The following ZNF804B variants were observed in gnomAD, a reference collection of about 807,000 sequenced individuals.
ZNF804B encodes zinc finger 804B.
A neutral mutation model predicts 101.4 loss-of-function variants in ZNF804B; 80 were observed. That is an observed-to-expected ratio of 0.79 (90% CI 0.66 to 0.95). ZNF804B has a LOEUF of 0.95. Among genes scored for constraint, ZNF804B ranks in the 40% least tolerant of loss-of-function variants. ZNF804B has a pLI of 0.00. For missense variants in ZNF804B, 1,673 were observed against 1,561.9 expected, an observed-to-expected ratio of 1.07 and a Z score of -1.20; for synonymous variants, 622 against 558.8, an observed-to-expected ratio of 1.11 and a Z score of -1.59.
intron 1 of ZNF804B, among the ~76,000 whole-genome samples, chr7:89,035,440 A>C (rs1788910812): frequency 6.6e-6 from 1 of 152,078 alleles, no homozygotes; most frequent in South Asian, 2.1e-4. Context: ...ATTTTAAAAA[A>C]ATCAGCTACG....
At chr7:89,233,993 T>C (rs1288551123) in intron 2 of ZNF804B, among the ~76,000 whole-genome samples, 1 of 152,208 alleles carries the variant, frequency 6.6e-6, no homozygotes, top group Non-Finnish European at 1.5e-5. Context: ...TTTTCCACAA[T>C]GGAGTGTGAA....
At chr7:88,764,083 C>T (rs961138183) in intron 1 of ZNF804B, among the ~76,000 whole-genome samples, 1 of 152,060 alleles carries the variant, frequency 6.6e-6, no homozygotes, top group African/African-American at 2.4e-5. Flanking sequence ...CAAATAGCTT[C>T]TATGTAATAA....
chr7:88,896,220 G>A (rs1267878407), intron 1 of ZNF804B, among the ~76,000 whole-genome samples: 1 of 152,154 alleles, frequency 6.6e-6, no homozygotes, highest in Admixed American at 6.5e-5. Context: ...ATGAAGCATA[G>A]AGTTTAGTTC....
intron 1 of ZNF804B, among the ~76,000 whole-genome samples, chr7:88,845,281 A>G (rs1394334638): frequency 1.0e-4 from 13 of 128,854 alleles, no homozygotes; most frequent in African/African-American, 2.8e-4. Context: ...ATGTGTGCGC[A>G]CGCGCGCGCG....
chr7:89,015,013 A>T (rs1788524080), intron 1 of ZNF804B, among the ~76,000 whole-genome samples: 1 of 152,086 alleles, frequency 6.6e-6, no homozygotes, highest in Non-Finnish European at 1.5e-5. Context: ...ACCCATTTTG[A>T]GTTGATTTTT....
chr7:89,223,315 T>A (rs947483137), intron 2 of ZNF804B, among the ~76,000 whole-genome samples: 2 of 151,878 alleles, frequency 1.3e-5, no homozygotes, highest in Non-Finnish European at 2.9e-5. Flanking sequence ...TTAGATCTGA[T>A]AACGAAATAA....
chr7:89,050,988 T>A (rs1412883478), intron 1 of ZNF804B, among the ~76,000 whole-genome samples: 5 of 151,974 alleles, frequency 3.3e-5, no homozygotes, highest in Non-Finnish European at 5.9e-5. Flanking sequence ...TGTTTCTTTT[T>A]TTTAACATAA....
At chr7:88,884,582 T>C (rs1277232277) in intron 1 of ZNF804B, among the ~76,000 whole-genome samples, 1 of 151,892 alleles carries the variant, frequency 6.6e-6, no homozygotes, top group East Asian at 1.9e-4. Context: ...AGCTATTATA[T>C]TTTAGACAAG....
chr7:89,259,990 TAA>T (rs898025694), intron 2 of ZNF804B, among the ~76,000 whole-genome samples: 21 of 138,488 alleles, frequency 1.5e-4, no homozygotes, highest in Admixed American at 8.6e-4. Context: ...GTCAAAAAAA[TAA>T]AAAGAGAGAG....
intron 1 of ZNF804B, among the ~76,000 whole-genome samples, chr7:89,014,557 C>G (rs1788512675): frequency 6.6e-6 from 1 of 152,182 alleles, no homozygotes; most frequent in African/African-American, 2.4e-5. Flanking sequence ...ACCTTGTGAT[C>G]CACCCGCCTT....
chr7:89,025,147 A>C (rs953171908), intron 1 of ZNF804B, among the ~76,000 whole-genome samples: 1 of 152,068 alleles, frequency 6.6e-6, no homozygotes, highest in Non-Finnish European at 1.5e-5. Context: ...ATTCTCAAGT[A>C]CTCATAAACT....
intron 1 of ZNF804B, among the ~76,000 whole-genome samples, chr7:89,022,936 A>T (rs1180950774): frequency 2.6e-5 from 4 of 152,220 alleles, no homozygotes; most frequent in African/African-American, 7.2e-5. Flanking sequence ...AAAAATAACT[A>T]GTTGGATAAA....
intron 1 of ZNF804B, among the ~76,000 whole-genome samples, chr7:89,067,997 T>A (rs1175122170): frequency 6.6e-6 from 1 of 150,916 alleles, no homozygotes; most frequent in Non-Finnish European, 1.5e-5. Context: ...TTTGAGAGTG[T>A]TTATGTTAAA....
chr7:88,918,444 G>T (rs1035088189), intron 1 of ZNF804B, among the ~76,000 whole-genome samples: 1 of 151,958 alleles, frequency 6.6e-6, no homozygotes, highest in African/African-American at 2.4e-5. Flanking sequence ...TATGATTTTC[G>T]CATGAGTTAT....
chr7:89,126,607 A>G (rs1790476426), intron 1 of ZNF804B, among the ~76,000 whole-genome samples: 3 of 151,738 alleles, frequency 2.0e-5, no homozygotes. Flanking sequence ...ATTATTAGAA[A>G]TTTTTCTTCT....
intron 1 of ZNF804B, among the ~76,000 whole-genome samples, chr7:88,913,894 G>A (rs111321948): frequency 1.1e-3 from 171 of 152,296 alleles, no homozygotes; most frequent in Middle Eastern, 3.4e-3. Flanking sequence ...TTGCTAAGAG[G>A]CAATAACATT....
chr7:89,186,984 T>C (rs1584040050), intron 1 of ZNF804B, among the ~76,000 whole-genome samples: 1 of 152,172 alleles, frequency 6.6e-6, no homozygotes, highest in South Asian at 2.1e-4. Context: ...CTTTCTAATC[T>C]AAATCTTTCC....
chr7:88,954,830 C>G (rs542322218), intron 1 of ZNF804B, among the ~76,000 whole-genome samples: 23 of 151,672 alleles, frequency 1.5e-4, no homozygotes, highest in Admixed American at 5.9e-4. Flanking sequence ...CTTATTTTCA[C>G]TATTTGGTTT....
At chr7:88,762,095 G>T (rs1789906672) in intron 1 of ZNF804B, among the ~76,000 whole-genome samples, 1 of 151,284 alleles carries the variant, frequency 6.6e-6, no homozygotes, top group African/African-American at 2.4e-5. Context: ...TGTTATCTAG[G>T]ATCTACACTT....
Sources: allele counts gnomAD v4.1 joint callset (sites outside exome capture counted in the v4.1 genomes callset), GRCh38; gene constraint gnomAD v4.1.1; transcripts MANE v1.5; gene names NCBI Gene and HGNC (gene_info 2026-07-23, HGNC 2026-07-21).